Variants in RHOQ observed in about 807,000 individuals in gnomAD.
The protein encoded by RHOQ is rho-related GTP-binding protein RhoQ.
RHOQ carries 7 observed loss-of-function variants against 25.8 expected under a neutral mutation model. The observed-to-expected ratio is 0.27, with a 90% CI of 0.15 to 0.51. The LOEUF (loss-of-function observed/expected upper bound fraction) is 0.51. Among genes scored for constraint, RHOQ ranks in the 20% least tolerant of loss-of-function variants. The pLI is 0.97. For missense variants in RHOQ, 165 were observed against 260.6 expected (o/e 0.63, Z 2.53); for synonymous variants, 97 against 98.6 (o/e 0.98, Z 0.10).
At chr2:46,550,886 G>A (rs1668219719) in intron 2 of RHOQ, among the ~76,000 whole-genome samples, 1 of 152,170 alleles carries the variant, frequency 6.6e-6, no homozygotes, top group South Asian at 2.1e-4. Flanking sequence ...AGAAGGTGGG[G>A]GATCGGGCCA....
At chr2:46,544,194 G>C (rs1406314468) in intron 2 of RHOQ, among the ~76,000 whole-genome samples, 1 of 152,156 alleles carries the variant, frequency 6.6e-6, no homozygotes, top group Non-Finnish European at 1.5e-5. Flanking sequence ...TTGGTGAGTG[G>C]TCTGCCTGCC....
rs141525694 is a variant in RHOQ, at chr2:46,551,229, G to C, written c.201+7417G>C. Among the ~76,000 whole-genome samples, 14 of 152,316 alleles carry C rather than the reference G, an allele frequency of 9.2e-5. No homozygotes were observed. The South Asian group carries it at 2.9e-3, about 32-fold the overall frequency. On this transcript the variant is annotated intron_variant, in intron 2 of 4. Coordinates refer to ENST00000238738, the MANE Select transcript of RHOQ (RefSeq NM_012249.4). ...AGATAAGGGATTTCCTCAGCCCTCA[G>C]GGCAGCTGGGTAGGGCCTGGGACAA...
At chr2:46,573,741 C>T (rs540623693) in intron 2 of RHOQ, among the ~76,000 whole-genome samples, 1 of 152,340 alleles carries the variant, frequency 6.6e-6, no homozygotes, top group East Asian at 1.9e-4. Context: ...AGAAAGAGCG[C>T]ACACTTCTGT....
At chr2:46,554,846 G>C (rs1395325144) in intron 2 of RHOQ, among the ~76,000 whole-genome samples, 1 of 149,320 alleles carries the variant, frequency 6.7e-6, no homozygotes, top group Admixed American at 6.7e-5. Flanking sequence ...CTTTCAAATG[G>C]CATAATGGTT....
At position 46,546,488 on chromosome 2, in the gene RHOQ, ATATATATATATATATATATATATG is replaced by A. The variant is rs1406565237; in HGVS notation, c.201+2683_201+2706del. Among the ~76,000 whole-genome samples the A allele has an allele frequency of 1.4e-3, 32 of 22,124 alleles. 3 individuals carry two copies. The highest frequency in any genetic ancestry group is 0.011 in the East Asian group (4 of 372). 14.5% of individuals were successfully genotyped at this position (22,124 alleles called of 152,430 possible). ...TATATATATATGTGTATATATATATATATATATATATATATATATATATGTATATACATATATATATATACACAA... is the reference window on the plus strand; with the variant it reads ...TATATATATATGTGTATATATATATATATATACATATATATATATACACAA... On this transcript the variant is annotated intron_variant, in intron 2 of 4. Transcript: ENST00000238738.
intron 2 of RHOQ, among the ~76,000 whole-genome samples, chr2:46,558,656 A>G (rs1411910715): frequency 6.6e-6 from 1 of 152,144 alleles, no homozygotes; most frequent in African/African-American, 2.4e-5. Flanking sequence ...GGAAACTCAT[A>G]TCTTCCAGTT....
At chr2:46,554,121 G>GT (rs35825900) in intron 2 of RHOQ, among the ~76,000 whole-genome samples, 2,081 of 145,948 alleles carry the variant, frequency 0.014, 28 homozygotes, top group African/African-American at 0.034. Context: ...GTGTGTGTGT[G>GT]TTTTTTTTTT....
rs1299476918 is a variant in RHOQ at position 46,548,547 on chromosome 2, T to C, written c.201+4735T>C. Among the ~76,000 whole-genome samples the C allele has an allele frequency of 6.6e-6, 1 of 152,170 alleles. No individual in the cohort carries two copies. Among genetic ancestry groups the C allele is most frequent in the East Asian group, 1.9e-4 (1 of 5,190 alleles). ...CAGAGATGTGATTAGGAAAAAGGTT[T>C]TCTACTTTGGAGAAGGCCTGCAGGG... On this transcript the variant is annotated intron_variant, in intron 2 of 4. Coordinates refer to ENST00000238738, the MANE Select transcript of RHOQ (RefSeq NM_012249.4). The surrounding 1 kb of genome is among the most constrained non-coding windows in gnomAD (Gnocchi z 5.2).
At chr2:46,574,768 T>C (rs771873319) in intron 2 of RHOQ, among the ~76,000 whole-genome samples, 17 of 152,160 alleles carry the variant, frequency 1.1e-4, no homozygotes, top group South Asian at 2.1e-4. Context: ...CATGCTTTAG[T>C]TGAAAGTTAT....
intron 2 of RHOQ, among the ~76,000 whole-genome samples, chr2:46,546,221 A>G (rs574462472): frequency 6.6e-6 from 1 of 151,488 alleles, no homozygotes; most frequent in Non-Finnish European, 1.5e-5. Context: ...TAAAATGGGG[A>G]TCTACCACAG....
chr2:46,574,765 T>C (rs1669052928), intron 2 of RHOQ, among the ~76,000 whole-genome samples: 1 of 152,186 alleles, frequency 6.6e-6, no homozygotes, highest in South Asian at 2.1e-4. Flanking sequence ...TAACATGCTT[T>C]AGTTGAAAGT....
At chr2:46,574,414 T>C (rs920189420) in intron 2 of RHOQ, among the ~76,000 whole-genome samples, 1 of 151,968 alleles carries the variant, frequency 6.6e-6, no homozygotes, top group Admixed American at 6.6e-5. Flanking sequence ...AGGCACTCAA[T>C]TGTACTGTTT....
In RHOQ at chr2:46,583,062, T is replaced by C. The variant is rs1241801290; in HGVS notation, c.*1979T>C. On this transcript the variant is annotated 3_prime_UTR_variant, in exon 5 of 5. Coordinates refer to ENST00000238738, the MANE Select transcript of RHOQ (RefSeq NM_012249.4). ...TAAATCAATTAACATATTAGCTGAG[T>C]TGTCCAACACATGGTATAAACGAAT... 1 of 152,178 alleles carries C rather than the reference T, an allele frequency of 6.6e-6. No homozygotes were observed. Among genetic ancestry groups the C allele is most frequent in the African/African-American group, 2.4e-5 (1 of 41,448 alleles). The allele number at this position is 152,178 out of a possible 1,614,324, so 9.4% of individuals were successfully genotyped here.
intron 2 of RHOQ, among the ~76,000 whole-genome samples, chr2:46,545,383 G>A (rs749252238): frequency 6.6e-6 from 1 of 152,124 alleles, no homozygotes; most frequent in Non-Finnish European, 1.5e-5. Flanking sequence ...CTTTACTTGT[G>A]ACCATGATAA....
At chr2:46,550,730 C>T (rs1668214067) in intron 2 of RHOQ, among the ~76,000 whole-genome samples, 1 of 152,184 alleles carries the variant, frequency 6.6e-6, no homozygotes, top group South Asian at 2.1e-4. Flanking sequence ...TGCAGCATAG[C>T]TGTAAGGATT....
chr2:46,580,471 A>C (rs1040114179), intron 4 of RHOQ: 1 of 152,434 alleles, frequency 6.6e-6, no homozygotes, highest in African/African-American at 2.4e-5. Flanking sequence ...CACTGCTCAA[A>C]CTTCCCCATT....
intron 4 of RHOQ, among the ~76,000 whole-genome samples, chr2:46,579,277 G>C (rs184122888): frequency 8.5e-4 from 130 of 152,198 alleles, no homozygotes; most frequent in African/African-American, 2.9e-3. Flanking sequence ...TCCCTGGTTG[G>C]AGGGCCCCAG....
chr2:46,553,703 C>T (rs1376317735), intron 2 of RHOQ, among the ~76,000 whole-genome samples: 1 of 152,096 alleles, frequency 6.6e-6, no homozygotes, highest in Non-Finnish European at 1.5e-5. Flanking sequence ...TCTCAGCCTC[C>T]CAAGTAGCTG....
chr2:46,568,451 A>G (rs928448265), intron 2 of RHOQ: 3 of 152,214 alleles, frequency 2.0e-5, no homozygotes, highest in Non-Finnish European at 4.4e-5. Flanking sequence ...GTGAGGGCTT[A>G]TCTGTGCTAC....
Sources: gnomAD v4.1 joint callset for allele counts (sites outside exome capture counted in the v4.1 genomes callset) on GRCh38, gnomAD v4.1.1 for gene constraint, Gnocchi (gnomAD v3.1) non-coding constraint, MANE v1.5 for transcripts, NCBI Gene and HGNC (gene_info 2026-07-23, HGNC 2026-07-21) for gene names.